Variants in ASTN2 observed in about 807,000 individuals in gnomAD.
ASTN2 encodes the protein astrotactin 2.
A neutral mutation model predicts 139.8 loss-of-function variants in ASTN2; 54 were observed. That is an observed-to-expected ratio of 0.39 (90% CI 0.31 to 0.48). ASTN2 has a LOEUF of 0.48. ASTN2 is among the 20% of genes least tolerant of loss of function. ASTN2 has a pLI of 0.95. For synonymous variants in ASTN2, 756 were observed against 719.5 expected, an observed-to-expected ratio of 1.05 and a Z score of -0.81; for missense variants, 1,565 against 1,725.1, an observed-to-expected ratio of 0.91 and a Z score of 1.64.
intron 19 of ASTN2, among the ~76,000 whole-genome samples, chr9:116,509,374 T>G (rs979685700): frequency 6.6e-6 from 1 of 152,212 alleles, no homozygotes; most frequent in African/African-American, 2.4e-5. Flanking sequence ...TTCCATGGTG[T>G]ATATGTGCCA....
intron 19 of ASTN2, among the ~76,000 whole-genome samples, chr9:116,498,248 G>T (rs529940756): frequency 1.3e-5 from 2 of 152,202 alleles, no homozygotes; most frequent in Admixed American, 6.5e-5. Flanking sequence ...CTTCTTAATT[G>T]CTCTGTCTCT....
rs559370426 is a variant in ASTN2, at chr9:117,411,548, G to A, written c.442+2949C>T. 5.3e-5 allele frequency among the ~76,000 whole-genome samples: 8 copies of A among 151,476 alleles called. No individual in the cohort carries two copies. The East Asian group carries it at 1.2e-3, about 22-fold the overall frequency. ...GGAGGGAGCCAGGGTTAAATATGAAGGTGACCTTGGTGCACGCAGATGGGA... is the reference window on the plus strand; with the variant it reads ...GGAGGGAGCCAGGGTTAAATATGAAAGTGACCTTGGTGCACGCAGATGGGA... On this transcript the variant is annotated intron_variant, in intron 1 of 22. Coordinates refer to ENST00000313400, the MANE Select transcript of ASTN2 (RefSeq NM_001365068.1).
chr9:117,113,649 T>C (rs575130733), intron 4 of ASTN2, among the ~76,000 whole-genome samples: 24 of 147,970 alleles, frequency 1.6e-4, no homozygotes, highest in Non-Finnish European at 3.0e-4. Context: ...AGAGCAAAAC[T>C]TCGTCTCAAA....
intron 3 of ASTN2, among the ~76,000 whole-genome samples, chr9:117,144,524 T>C (rs886964641): frequency 1.4e-4 from 22 of 151,810 alleles, no homozygotes; most frequent in African/African-American, 5.3e-4. Context: ...GCTCAGAAGG[T>C]AGAGAATGAT....
At chr9:117,074,715 G>T (rs1207958626) in intron 5 of ASTN2, among the ~76,000 whole-genome samples, 2 of 152,000 alleles carry the variant, frequency 1.3e-5, no homozygotes, top group East Asian at 3.9e-4. Context: ...TATACTAAGG[G>T]CTGTGTATAC....
chr9:116,573,919 A>G (rs11999939), intron 19 of ASTN2, among the ~76,000 whole-genome samples: 6,500 of 152,294 alleles, frequency 0.043, 493 homozygotes, highest in African/African-American at 0.15. Context: ...CGTTGTACTT[A>G]GAATTGTTTT....
At chr9:116,547,879 CA>C (rs1384295178) in intron 19 of ASTN2, among the ~76,000 whole-genome samples, 1 of 152,144 alleles carries the variant, frequency 6.6e-6, no homozygotes, top group Non-Finnish European at 1.5e-5. Flanking sequence ...CCCTCCCCTC[CA>C]GGCATCAGCC....
rs903842452 is a variant in ASTN2, at chr9:117,414,871, C to A, written c.68G>T (p.Cys23Phe). 6 of 1,009,904 alleles carry A rather than the reference C, an allele frequency of 5.9e-6. No individual in the cohort carries two copies. The African/African-American group carries it at 8.7e-5, about 15-fold the overall frequency. 62.6% of individuals were successfully genotyped at this position (1,009,904 alleles called of 1,614,324 possible). ...CAGTGGCGGCGGCCCCGGGTGGAAGCAGAGCCTCGGCCGCCCCCGGAGCCC... is the reference window on the plus strand; with the variant it reads ...CAGTGGCGGCGGCCCCGGGTGGAAGAAGAGCCTCGGCCGCCCCCGGAGCCC... ...GSGLRGRPRL[C>F]FHPGPPPLLP... is the part of the protein sequence containing the mutation. The change falls in exon 1 of 23, where the codon TGC becomes TTC. Residue 23 changes from cysteine to phenylalanine, a missense_variant. By Grantham distance (205) the Cys-to-Phe change is radical (BLOSUM62 -2). Transcript: ENST00000313400. This position sits in a 1 kb window ranked among gnomAD's most constrained non-coding sequence, Gnocchi z 4.2.
intron 11 of ASTN2, among the ~76,000 whole-genome samples, chr9:116,822,076 C>T (rs1353020561): frequency 6.6e-6 from 1 of 151,996 alleles, no homozygotes; most frequent in Non-Finnish European, 1.5e-5. Flanking sequence ...GATTAAAATG[C>T]CTTCCCACCA....
chr9:116,892,485 T>C (rs1217642182), intron 10 of ASTN2, among the ~76,000 whole-genome samples: 3 of 152,052 alleles, frequency 2.0e-5, no homozygotes, highest in Non-Finnish European at 4.4e-5. Flanking sequence ...GTGGGGTGGC[T>C]GGGAGCTGGT....
intron 2 of ASTN2, among the ~76,000 whole-genome samples, chr9:117,262,201 C>T (rs1414182): frequency 1 from 151,660 of 152,180 alleles, 75,572 homozygotes; most frequent in Middle Eastern, 1. Context: ...TGTGGGTATA[C>T]GGGAGAAAGG....
At chr9:116,647,914 G>A (rs1326266246) in intron 17 of ASTN2, among the ~76,000 whole-genome samples, 2 of 152,024 alleles carry the variant, frequency 1.3e-5, no homozygotes, top group Non-Finnish European at 2.9e-5. Context: ...CTCCTTGAGC[G>A]CTTGATGCGC....
At chr9:117,084,909 A>G (rs1012596798) in intron 5 of ASTN2, among the ~76,000 whole-genome samples, 2 of 152,204 alleles carry the variant, frequency 1.3e-5, no homozygotes, top group African/African-American at 2.4e-5. Context: ...TGGCATTTTA[A>G]AAAGTGATTC....
At chr9:117,196,608 T>G (rs906823361) in intron 3 of ASTN2, among the ~76,000 whole-genome samples, 2 of 152,196 alleles carry the variant, frequency 1.3e-5, no homozygotes, top group Non-Finnish European at 2.9e-5. Context: ...TATATCTCTC[T>G]TCTGCCTCCA....
At chr9:117,222,284 GC>G (rs1288134121) in intron 2 of ASTN2, among the ~76,000 whole-genome samples, 5 of 152,132 alleles carry the variant, frequency 3.3e-5, no homozygotes. Flanking sequence ...CTTTTGAAAT[GC>G]CCTTCTTCAA....
chr9:116,500,348 C>T (rs184839268), intron 19 of ASTN2, among the ~76,000 whole-genome samples: 6 of 152,246 alleles, frequency 3.9e-5, no homozygotes, highest in South Asian at 2.1e-4. Flanking sequence ...GGTGAATCTC[C>T]GGAAAGGAAT....
intron 5 of ASTN2, among the ~76,000 whole-genome samples, chr9:117,073,817 A>G (rs909048653): frequency 5.3e-5 from 8 of 152,204 alleles, no homozygotes; most frequent in Non-Finnish European, 7.3e-5. Flanking sequence ...GGCAAAAGTG[A>G]TACCAAACTG....
intron 10 of ASTN2, among the ~76,000 whole-genome samples, chr9:116,890,498 T>C (rs1450122133): frequency 3.3e-5 from 5 of 152,194 alleles, no homozygotes; most frequent in Non-Finnish European, 5.9e-5. Context: ...CCCAAGTGAA[T>C]TTCATTCTTT....
intron 5 of ASTN2, among the ~76,000 whole-genome samples, chr9:117,082,450 C>T (rs1389443387): frequency 6.6e-6 from 1 of 152,188 alleles, no homozygotes; most frequent in Non-Finnish European, 1.5e-5. Flanking sequence ...CCTAACTAGT[C>T]TCCCTACCTT....
Sources: allele counts gnomAD v4.1 joint callset (sites outside exome capture counted in the v4.1 genomes callset), GRCh38; gene constraint gnomAD v4.1.1; non-coding constraint Gnocchi (gnomAD v3.1); transcripts MANE v1.5; gene names NCBI Gene and HGNC (gene_info 2026-07-23, HGNC 2026-07-21).